The following DPP6 variants were observed in gnomAD, a reference collection of about 807,000 sequenced individuals.
DPP6 encodes the protein A-type potassium channel modulatory protein DPP6.
DPP6 carries 69 observed loss-of-function variants against 122.6 expected under a neutral mutation model. The ratio of observed to expected loss-of-function variants is 0.56; its 90% confidence interval spans 0.46 to 0.69. The LOEUF (loss-of-function observed/expected upper bound fraction) is 0.69. DPP6 is among the 30% of genes least tolerant of loss of function. The probability of loss-of-function intolerance (pLI) is 0.00; values close to 1 mark genes in which losing one functional copy is unlikely to be tolerated. For missense variants in DPP6, 928 were observed against 1,116.9 expected (o/e 0.83, Z 2.41); for synonymous variants, 418 against 433.1 (o/e 0.97, Z 0.43).
At chr7:154,414,729 T>C in intron 1 of DPP6, among the ~76,000 whole-genome samples, 1 of 152,204 alleles carries the variant, frequency 6.6e-6, no homozygotes, top group Non-Finnish European at 1.5e-5. Context: ...AGGATAGGGC[T>C]GGATAGGGCT....
chr7:154,412,750 G>A (rs563640158), intron 1 of DPP6, among the ~76,000 whole-genome samples: 2 of 152,182 alleles, frequency 1.3e-5, no homozygotes, highest in South Asian at 4.2e-4. Context: ...CAATCCGAGT[G>A]ACTTCATCTC....
the DPP6 span, among the ~76,000 whole-genome samples, chr7:153,840,023 T>C: frequency 6.6e-6 from 1 of 152,216 alleles, no homozygotes; most frequent in Non-Finnish European, 1.5e-5. Context: ...AAGCTCTACA[T>C]AGCCACTGTG....
rs184197756 is a variant in DPP6, at chr7:153,940,053, A to C, written c.51+52319A>C. 3.9e-5 allele frequency among the ~76,000 whole-genome samples: 6 copies of C among 152,338 alleles called. No individual in the cohort carries two copies. In the East Asian group the frequency reaches 1.2e-3, roughly 29 times the overall value. ...AGACATGGCATGGCTCCTTCTCACA[A>C]GTAAAATCATGCTAACAATGCACTG... On this transcript the variant is annotated intron_variant, in intron 1 of 25. Transcript: ENST00000404039.
intron 7 of DPP6, among the ~76,000 whole-genome samples, chr7:154,723,755 C>G (rs1841935110): frequency 6.6e-6 from 1 of 152,052 alleles, no homozygotes; most frequent in South Asian, 2.1e-4. Flanking sequence ...TGCAAAATAC[C>G]TTCCCTCCAT....
chr7:153,832,391 TC>T, the DPP6 span, among the ~76,000 whole-genome samples: 5 of 152,364 alleles, frequency 3.3e-5, no homozygotes, highest in Admixed American at 3.3e-4. Flanking sequence ...TTATGACGCC[TC>T]CTTCTGTACA....
At chr7:154,236,160 T>C (rs1801201453) in intron 1 of DPP6, among the ~76,000 whole-genome samples, 1 of 152,224 alleles carries the variant, frequency 6.6e-6, no homozygotes. Flanking sequence ...GCCAGTTTTA[T>C]TATCTTTAAA....
At chr7:153,769,939 G>A in the DPP6 span, among the ~76,000 whole-genome samples, 4 of 152,174 alleles carry the variant, frequency 2.6e-5, no homozygotes, top group Non-Finnish European at 4.4e-5. Context: ...GAGGGACAGT[G>A]GAGTCCCTGG....
intron 2 of DPP6, among the ~76,000 whole-genome samples, chr7:154,470,888 T>C (rs1822205851): frequency 6.6e-6 from 1 of 152,172 alleles, no homozygotes; most frequent in African/African-American, 2.4e-5. Context: ...AGAAGGAAGA[T>C]TGAGCACAGA....
rs1795445366 is a variant in DPP6, at chr7:154,760,183, G to T, written c.884-9234G>T. Among the ~76,000 whole-genome samples the T allele has an allele frequency of 6.6e-6, 1 of 152,186 alleles. No individual in the cohort carries two copies. The highest frequency in any genetic ancestry group is 1.5e-5 in the Non-Finnish European group (1 of 68,038). On this transcript the variant is annotated intron_variant, in intron 8 of 25. Transcript: ENST00000377770. The surrounding 1 kb of genome is among the most constrained non-coding windows in gnomAD (Gnocchi z 4.5). ...ATCCAGCTCAACTCTGCCTCCCTGT[G>T]CTGGCTTCAAGGCAGTAATTTTATT...
chr7:154,474,541 C>G (rs1025310806), intron 2 of DPP6, among the ~76,000 whole-genome samples: 2 of 152,230 alleles, frequency 1.3e-5, no homozygotes, highest in Non-Finnish European at 2.9e-5. Context: ...AGCTAAAATG[C>G]TGCACTTAAT....
intron 1 of DPP6, among the ~76,000 whole-genome samples, chr7:154,339,095 G>C (rs965165599): frequency 1.3e-5 from 2 of 152,192 alleles, no homozygotes; most frequent in Non-Finnish European, 1.5e-5. Context: ...TTGATGGTTG[G>C]GTTGTGTGGG....
chr7:154,423,124 G>T (rs1456576071), intron 1 of DPP6, among the ~76,000 whole-genome samples: 1 of 152,036 alleles, frequency 6.6e-6, no homozygotes, highest in Admixed American at 6.5e-5. Flanking sequence ...GACACAAGGT[G>T]GTAAGAACAG....
intron 17 of DPP6, among the ~76,000 whole-genome samples, chr7:154,864,997 A>G (rs1433684043): frequency 3.3e-5 from 5 of 152,358 alleles, no homozygotes; most frequent in South Asian, 4.1e-4. Flanking sequence ...GAGATCGCAC[A>G]CTGACGGCTG....
chr7:154,506,972 T>C (rs1825714508), intron 3 of DPP6, among the ~76,000 whole-genome samples: 1 of 152,174 alleles, frequency 6.6e-6, no homozygotes. Flanking sequence ...AGCCTGGAAA[T>C]TTCACATCAT....
At chr7:154,608,342 T>TATATATATATATATATATATATATATATG (rs59731169) in intron 5 of DPP6, among the ~76,000 whole-genome samples, 1 of 127,426 alleles carries the variant, frequency 7.8e-6, no homozygotes. Context: ...TATATATATA[T>TATATATATATATATATATATATATATATG]TTTGAGATGG....
intron 1 of DPP6, among the ~76,000 whole-genome samples, chr7:154,441,237 A>G (rs1382244172): frequency 6.6e-6 from 1 of 152,204 alleles, no homozygotes; most frequent in Non-Finnish European, 1.5e-5. Context: ...TCACAAGTGG[A>G]ATGTGACCAC....
chr7:154,482,557 A>G (rs889874415), intron 3 of DPP6, among the ~76,000 whole-genome samples: 1 of 152,238 alleles, frequency 6.6e-6, no homozygotes. Context: ...TTAAATTTTC[A>G]TAGCTCTCCT....
chr7:154,840,785 C>T (rs920274959), intron 16 of DPP6, among the ~76,000 whole-genome samples: 1 of 152,164 alleles, frequency 6.6e-6, no homozygotes, highest in African/African-American at 2.4e-5. Context: ...CAAAGCTAAC[C>T]TCTAACACAG....
intron 1 of DPP6, among the ~76,000 whole-genome samples, chr7:154,348,200 A>T (rs114712204): frequency 3.9e-5 from 6 of 151,942 alleles, no homozygotes; most frequent in African/African-American, 1.5e-4. Flanking sequence ...TGAGCTTCTG[A>T]AAGTCAAATA....
Sources: gnomAD v4.1 joint callset for allele counts (sites outside exome capture counted in the v4.1 genomes callset) on GRCh38, gnomAD v4.1.1 for gene constraint, Gnocchi (gnomAD v3.1) non-coding constraint, MANE v1.5 for transcripts, NCBI Gene and HGNC (gene_info 2026-07-23, HGNC 2026-07-21) for gene names.